The following STARD9 variants were observed in gnomAD, a reference collection of about 807,000 sequenced individuals.
STARD9 encodes StAR related lipid transfer domain containing 9.
STARD9 carries 346 observed loss-of-function variants against 399.8 expected under a neutral mutation model. The ratio of observed to expected loss-of-function variants is 0.87; its 90% CI spans 0.79 to 0.95. The LOEUF is 0.95. STARD9 is among the 40% of genes least tolerant of loss of function. The pLI is 0.00. For missense variants in STARD9, 5,832 were observed against 5,667.5 expected, an observed-to-expected ratio of 1.03 and a Z score of -0.93; for synonymous variants, 2,203 against 2,143.5, an observed-to-expected ratio of 1.03 and a Z score of -0.77.
chr15:42,689,240 G>C lies in STARD9; in HGVS notation c.7662G>C (p.Glu2554Asp). The change falls in exon 23 of 33, where the codon GAG becomes GAC. Residue 2554 changes from glutamate to aspartate, a missense_variant. Glu to Asp is a conservative substitution (Grantham distance 45). This residue lies in a region of STARD9 where 5,828 missense variants were observed against 5,651.1 expected (regional missense o/e 1.03). Transcript: ENST00000290607. ...HASMCLAILE[E>D]IRQAKAQRKQ... The stretch of plus-strand genomic sequence containing the variant: ...CCATGTGCCTGGCCATCTTGGAGGA[G>C]ATCAGACAGGCAAAGGCCCAGAGAA... The C allele has an allele frequency of 6.5e-7, 1 of 1,537,270 alleles. No homozygotes were observed. Among genetic ancestry groups the C allele is most frequent in the Non-Finnish European group, 8.7e-7 (1 of 1,146,924 alleles).
chr15:42,688,991 A>G lies in STARD9; in HGVS notation c.7413A>G (p.Gln2471=). 9.1e-6 allele frequency: 14 copies of G among 1,537,388 alleles called. No homozygotes were observed. The highest frequency in any genetic ancestry group is 1.2e-5 in the Non-Finnish European group (14 of 1,146,942). The change falls in exon 23 of 33, where the codon CAA becomes CAG. Residue 2471 remains glutamine, a synonymous_variant. Coordinates refer to ENST00000290607, the MANE Select transcript of STARD9 (RefSeq NM_020759.3). ...DFASEAEVAV[Q]KEIRVSSLNK... is the part of the protein sequence containing the mutation. ...CTTCTGAAGCCGAGGTGGCTGTACA[A>G]AAAGAAATAAGAGTCAGTTCACTGA...
chr15:42,691,891 G>C lies in STARD9; in HGVS notation c.10313G>C (p.Arg3438Pro). The C allele has an allele frequency of 6.5e-7, 1 of 1,537,284 alleles. No homozygotes were observed. The highest frequency in any genetic ancestry group is 1.7e-4 in the Middle Eastern group (1 of 5,990). The change falls in exon 23 of 33, where the codon CGA (arginine) becomes CCA (proline). Residue 3438 changes from arginine (R) to proline (P), a missense_variant. Around this residue, in one of 2 missense-constraint regions of STARD9, gnomAD observed 5,828 missense variants for 5,651.1 expected, o/e 1.03. Coordinates refer to ENST00000290607, the MANE Select transcript of STARD9 (RefSeq NM_020759.3). ...TTGGAACAAGCCCAACAGGGAAAGC[G>C]AGAGAAACTGGGTGTCCAGGTTAGG... ...GTLEQAQQGK[R>P]EKLGVQVRPE...
At chr15:42,643,407 GC>G (rs1566898336) in intron 7 of STARD9, among the ~76,000 whole-genome samples, 1 of 152,124 alleles carries the variant, frequency 6.6e-6, no homozygotes, top group Admixed American at 6.6e-5. Context: ...TATTGGTCAG[GC>G]TGGTCTCGAA....
chr15:42,648,165 TTTTG>T (rs891040694), intron 7 of STARD9, among the ~76,000 whole-genome samples: 21 of 152,304 alleles, frequency 1.4e-4, no homozygotes, highest in African/African-American at 4.3e-4. Flanking sequence ...TCTTTTGGCT[TTTTG>T]TTTGTTTGTT....
At chr15:42,595,517 T>C (rs2058484645) in intron 3 of STARD9, among the ~76,000 whole-genome samples, 1 of 152,228 alleles carries the variant, frequency 6.6e-6, no homozygotes, top group African/African-American at 2.4e-5. Context: ...GATAGGACTC[T>C]GCCTTCTTGA....
At position 42,656,327 on chromosome 15, in the gene STARD9, T is replaced by TAAAAAAAA. The variant is rs869264641; in HGVS notation, c.702+3768_702+3775dup. ...ATGCCACTGCACTCCAGCCATCTCC[T>TAAAAAAAA]AAAAAAAAAAAAAAAAAAAAAAAAA... On this transcript the variant is annotated intron_variant, in intron 9 of 32. Coordinates refer to ENST00000290607, the MANE Select transcript of STARD9 (RefSeq NM_020759.3). Among the ~76,000 whole-genome samples, 36 of 35,338 alleles carry TAAAAAAAA rather than the reference T, an allele frequency of 1.0e-3. 8 individuals carry two copies. The highest frequency in any genetic ancestry group is 1.8e-3 in the African/African-American group (17 of 9,218). 23.2% of individuals were successfully genotyped at this position (35,338 alleles called of 152,430 possible).
rs1371545648 is a variant in STARD9 at position 42,638,090 on chromosome 15, A to G, written c.446+3A>G. The G allele has an allele frequency of 2.0e-6, 3 of 1,536,574 alleles. No individual in the cohort carries two copies. Among genetic ancestry groups the G allele is most frequent in the Non-Finnish European group, 8.7e-7 (1 of 1,146,784 alleles). On this transcript the variant is annotated splice_donor_region_variant and intron_variant, in intron 6 of 32. Transcript: ENST00000290607. ...TCCTCCTGTAGGATAAAAGTAAGGTAAGAACCTCCCAAGCTCTGGGACCTA... is the reference window on the plus strand; with the variant it reads ...TCCTCCTGTAGGATAAAAGTAAGGTGAGAACCTCCCAAGCTCTGGGACCTA...
intron 16 of STARD9, among the ~76,000 whole-genome samples, chr15:42,674,208 A>G (rs769041813): frequency 3.3e-5 from 5 of 152,204 alleles, no homozygotes; most frequent in Non-Finnish European, 7.3e-5. Flanking sequence ...GCTTTGTGGT[A>G]TATTTTTTAG....
intron 3 of STARD9, among the ~76,000 whole-genome samples, chr15:42,632,792 T>C (rs1222191925): frequency 6.6e-6 from 1 of 151,934 alleles, no homozygotes; most frequent in Non-Finnish European, 1.5e-5. Flanking sequence ...CAGTAAGCTA[T>C]GACTGTGCCA....
At chr15:42,695,596 G>A in intron 25 of STARD9, 147 bp from the exon 26 acceptor site, 1 of 926,882 alleles carries the variant, frequency 1.1e-6, no homozygotes, top group Non-Finnish European at 1.6e-6. Context: ...GCCAGGGCAT[G>A]TGAGGCTAAG....
chr15:42,577,032 A>C (rs1013512609), intron 1 of STARD9, among the ~76,000 whole-genome samples: 24 of 152,110 alleles, frequency 1.6e-4, no homozygotes, highest in African/African-American at 4.8e-4. Flanking sequence ...GCTATGCTGG[A>C]GGTAGTCTCT....
rs2060577943 is a variant in STARD9, at chr15:42,687,107, C to A, written c.5529C>A (p.Ser1843Arg). Residue 1843 changes from serine to arginine, a missense_variant, in exon 23 of 33, where the codon AGC (serine) becomes AGA (arginine). Ser to Arg is a moderately radical substitution (Grantham distance 110, BLOSUM62 -1). Transcript: ENST00000290607. The part of the protein sequence containing the change: ...GKCPGNITEE[S>R]HDSVYSSVTQ... The stretch of plus-strand genomic sequence containing the variant: ...GCCCTGGAAATATTACAGAAGAAAG[C>A]CATGATTCAGTTTATTCTTCTGTTA... 1 of 1,537,074 alleles carries A rather than the reference C, an allele frequency of 6.5e-7. No homozygotes were observed. Among genetic ancestry groups the A allele is most frequent in the African/African-American group, 1.4e-5 (1 of 73,030 alleles).
rs1248944052 is a variant in STARD9, at chr15:42,674,530, A to G, written c.1549+39A>G. ...TATATGAGTCCAGCATTTTGGGGCT[A>G]GTATTTGTGCCCGAAAGGTTTCTTC... is the stretch of plus-strand genomic sequence containing the variant. On this transcript the variant is annotated intron_variant, in intron 17 of 32. Transcript: ENST00000290607. 2.6e-5 allele frequency: 39 copies of G among 1,516,016 alleles called. No individual in the cohort carries two copies. The Admixed American group carries it at 7.5e-4, about 29-fold the overall frequency. The allele number at this position is 1,516,016 out of a possible 1,614,324, so 93.9% of individuals were successfully genotyped here.
chr15:42,655,430 C>G (rs1748576651), intron 9 of STARD9, among the ~76,000 whole-genome samples: 1 of 152,128 alleles, frequency 6.6e-6, no homozygotes, highest in African/African-American at 2.4e-5. Flanking sequence ...AGAAATAAAG[C>G]CAAATACTTG....
At position 42,585,392 on chromosome 15, in the gene STARD9, A is replaced by G. The variant is rs79158309; in HGVS notation, c.118-129A>G. ...AGAGAAAGATTACCTTTTCTTTTTCAGGAAGATAATATAAACAGTCTCATG... is the reference window on the plus strand; with the variant it reads ...AGAGAAAGATTACCTTTTCTTTTTCGGGAAGATAATATAAACAGTCTCATG... On this transcript the variant is annotated intron_variant, in intron 2 of 32. Transcript: ENST00000290607. 3,529 of 548,700 alleles carry G rather than the reference A, an allele frequency of 6.4e-3. 77 individuals are homozygous for G. Among genetic ancestry groups the G allele is most frequent in the African/African-American group, 0.055 (2,928 of 53,058 alleles). 34.0% of individuals were successfully genotyped at this position (548,700 alleles called of 1,614,324 possible).
chr15:42,664,875 T>G (rs1331866842), intron 13 of STARD9, among the ~76,000 whole-genome samples: 1 of 151,940 alleles, frequency 6.6e-6, no homozygotes, highest in East Asian at 1.9e-4. Context: ...CAGTATAGGC[T>G]TAGTCACAAT....
At chr15:42,684,067 G>C in intron 22 of STARD9, 49 bp from the exon 23 acceptor site, 1 of 1,481,796 alleles carries the variant, frequency 6.7e-7, no homozygotes, top group South Asian at 1.3e-5. Flanking sequence ...CTGTCCACAG[G>C]AAGTAGTACC....
chr15:42,706,473 C>T (rs1451770342), intron 26 of STARD9, among the ~76,000 whole-genome samples: 3 of 148,368 alleles, frequency 2.0e-5, no homozygotes, highest in African/African-American at 7.5e-5. Flanking sequence ...TTTTTTGAGA[C>T]AGTGTCTTGC....
chr15:42,699,084 G>A (rs1160754078), intron 26 of STARD9, among the ~76,000 whole-genome samples: 1 of 152,038 alleles, frequency 6.6e-6, no homozygotes, highest in Non-Finnish European at 1.5e-5. Context: ...GAGGTACACT[G>A]TGATGTTTCA....
Sources: gnomAD v4.1 joint callset for allele counts (sites outside exome capture counted in the v4.1 genomes callset) on GRCh38, gnomAD v4.1.1 for gene constraint, gnomAD v4.1.1 regional missense constraint, MANE v1.5 for transcripts, NCBI Gene and HGNC (gene_info 2026-07-23, HGNC 2026-07-21) for gene names.